TNFSF8: variants seen among roughly 807,000 people sequenced by gnomAD.
The protein encoded by TNFSF8 is TNF superfamily member 8, also known as tumor necrosis factor ligand superfamily member 8.
Under a neutral mutation model 22.0 loss-of-function variants are expected in TNFSF8, and 4 were observed. The observed-to-expected ratio is 0.18, with a 90% CI of 0.09 to 0.42. TNFSF8 has a LOEUF of 0.42. Ranked by LOEUF, TNFSF8 falls within the 10% of genes least tolerant of loss-of-function variation. TNFSF8 has a pLI of 1.00. For synonymous variants in TNFSF8, 106 were observed against 112.5 expected (o/e 0.94, Z 0.37); for missense variants, 233 against 281.8 (o/e 0.83, Z 1.24).
At chr9:114,897,960 G>A (rs138166767), downstream of TNFSF8, among the ~76,000 whole-genome samples, 41 of 152,026 alleles carry the variant, frequency 2.7e-4, no homozygotes, top group East Asian at 6.6e-3. Context: ...CCTCAACATC[G>A]CAGACTCTCA....
chr9:114,913,681 G>A (rs968004338), intron 2 of TNFSF8, among the ~76,000 whole-genome samples: 4 of 152,302 alleles, frequency 2.6e-5, no homozygotes, highest in Admixed American at 6.5e-5. Context: ...AGGTGGATAC[G>A]CTGGATTTGA....
At chr9:114,893,946 G>C (rs1356455691) in exon 5 of TNFSF8, 11 of 697,126 alleles carry the variant, frequency 1.6e-5, no homozygotes, top group African/African-American at 3.5e-5. Flanking sequence ...TGTTTGTGGG[G>C]GGTGAACCGT....
chr9:114,926,408 C>T (rs1316963557), intron 1 of TNFSF8, among the ~76,000 whole-genome samples: 2 of 152,010 alleles, frequency 1.3e-5, no homozygotes, highest in Non-Finnish European at 2.9e-5. Flanking sequence ...CCAGCCTGGG[C>T]GACAGAGCGA....
intron 2 of TNFSF8, among the ~76,000 whole-genome samples, chr9:114,915,747 G>A (rs1052194993): frequency 2.1e-5 from 3 of 141,390 alleles, no homozygotes; most frequent in African/African-American, 8.5e-5. Flanking sequence ...GTATGGGAAG[G>A]TCTTTAACAA....
chr9:114,928,758 T>C (rs1260218672), intron 1 of TNFSF8, among the ~76,000 whole-genome samples: 2 of 152,208 alleles, frequency 1.3e-5, no homozygotes, highest in African/African-American at 2.4e-5. Flanking sequence ...GTTTTAAGAA[T>C]TCCACTATCT....
At position 114,904,399 on chromosome 9, in the gene TNFSF8, T is replaced by C; in HGVS notation, c.311-74A>G. On this transcript the variant is annotated intron_variant, in intron 3 of 3. Transcript: ENST00000223795. ...CGCATTGCAAAATTCTAAGTCTTTG[T>C]TCAAAGTTTCCCATTCAAGACCCAT... 2.0e-6 allele frequency: 3 copies of C among 1,516,708 alleles called. No homozygotes were observed. The South Asian group carries it at 4.1e-5, about 21-fold the overall frequency. 94.0% of individuals were successfully genotyped at this position (1,516,708 alleles called of 1,614,324 possible). A position where few individuals can be genotyped will look rare whatever the true frequency, so the allele number is the denominator to read the frequency against.
chr9:114,909,496 A>G (rs1320247579), intron 2 of TNFSF8, among the ~76,000 whole-genome samples: 2 of 152,238 alleles, frequency 1.3e-5, no homozygotes, highest in Admixed American at 1.3e-4. Flanking sequence ...AGGTTTGTGC[A>G]AAAGTAATTG....
At chr9:114,895,616 C>T (rs1483128604) in intron 4 of TNFSF8, among the ~76,000 whole-genome samples, 1 of 152,198 alleles carries the variant, frequency 6.6e-6, no homozygotes. Context: ...TGATAAAATA[C>T]CCCAAGAGTT....
chr9:114,905,728 T>C (rs1302638046), intron 3 of TNFSF8, 100 bp downstream of exon 3: 4 of 906,000 alleles, frequency 4.4e-6, no homozygotes, highest in Non-Finnish European at 7.3e-6. Context: ...CAGGTCACAT[T>C]TGGCCATGGG....
At chr9:114,897,088 A>C (rs1827663048), downstream of TNFSF8, among the ~76,000 whole-genome samples, 1 of 152,026 alleles carries the variant, frequency 6.6e-6, no homozygotes, top group South Asian at 2.1e-4. Context: ...TTTAGTAGAG[A>C]CGGGGTTTCT....
Position 114,901,868 on chromosome 9 carries a change from C to A in TNFSF8, c.*2063G>T. ...CAGATGACTTAAAATTTTCCCTTAG[C>A]CATTTTTGTTCTCTCAAGTCCCTTT... On this transcript the variant is annotated 3_prime_UTR_variant, in exon 4 of 4. Coordinates refer to ENST00000223795, the MANE Select transcript of TNFSF8 (RefSeq NM_001244.4). 1 of 950,730 alleles carries A rather than the reference C, an allele frequency of 1.1e-6. No individual in the cohort carries two copies. Among genetic ancestry groups the A allele is most frequent in the Non-Finnish European group, 1.3e-6 (1 of 798,462 alleles). 58.9% of individuals were successfully genotyped at this position (950,730 alleles called of 1,614,324 possible).
downstream of TNFSF8, among the ~76,000 whole-genome samples, chr9:114,900,627 T>C (rs1479102792): frequency 6.6e-6 from 1 of 152,168 alleles, no homozygotes; most frequent in African/African-American, 2.4e-5. Context: ...GTGATTTGAA[T>C]GTGAGACACA....
chr9:114,894,196 A>T (rs1310832017), intron 4 of TNFSF8: 1 of 1,505,538 alleles, frequency 6.6e-7, no homozygotes, highest in Admixed American at 2.0e-5. Flanking sequence ...CTTTGTAGAT[A>T]TCGGCAGGAG....
At chr9:114,904,356 T>C in intron 3 of TNFSF8, 31 bp from the exon 4 acceptor site, 1 of 1,558,644 alleles carries the variant, frequency 6.4e-7, no homozygotes, top group Non-Finnish European at 8.7e-7. Context: ...AACAGAATTA[T>C]TGAGAAGATT....
chr9:114,902,645 G>GT lies in TNFSF8; in HGVS notation c.*1285dup, dbSNP rs1827731677. ...TCTGGCTCTGCTGAGATGAGATGCA[G>GT]TCAGGTGTTACTAGTGTCTTCAATT... On this transcript the variant is annotated 3_prime_UTR_variant, in exon 4 of 4. Transcript: ENST00000223795. 2.0e-6 allele frequency: 2 copies of GT among 985,264 alleles called. No homozygotes were observed. Among genetic ancestry groups the GT allele is most frequent in the Admixed American group, 1.2e-4 (2 of 16,250 alleles). The allele number at this position is 985,264 out of a possible 1,614,324, so 61.0% of individuals were successfully genotyped here. A position where few individuals can be genotyped will look rare whatever the true frequency, so the allele number is the denominator to read the frequency against.
chr9:114,923,478 T>TTCTTTTTC (rs376484064), intron 1 of TNFSF8, among the ~76,000 whole-genome samples: 3 of 105,682 alleles, frequency 2.8e-5, no homozygotes, highest in Non-Finnish European at 5.6e-5. Context: ...TTTTCTTTCT[T>TTCTTTTTC]TTTCTTTCTT....
chr9:114,901,368 C>T lies in TNFSF8; in HGVS notation c.*2563G>A, dbSNP rs763258466. ...TTACATTATTCATTTAAATGATGTA[C>T]CCCTTGTGTCTTTAGGTGTTGGCTT... On this transcript the variant is annotated 3_prime_UTR_variant, in exon 4 of 4. Coordinates refer to ENST00000223795, the MANE Select transcript of TNFSF8 (RefSeq NM_001244.4). 3 of 985,252 alleles carry T rather than the reference C, an allele frequency of 3.0e-6. No individual in the cohort carries two copies. The highest frequency in any genetic ancestry group is 3.6e-6 in the Non-Finnish European group (3 of 829,872). The allele number at this position is 985,252 out of a possible 1,614,324, so 61.0% of individuals were successfully genotyped here.
At chr9:114,900,747 C>T (rs1353283267), downstream of TNFSF8, among the ~76,000 whole-genome samples, 1 of 152,066 alleles carries the variant, frequency 6.6e-6, no homozygotes, top group African/African-American at 2.4e-5. Flanking sequence ...TTTGAGAGGC[C>T]ATGGTGGGCA....
Position 114,905,902 on chromosome 9 carries a change from A to T in TNFSF8, c.239-3T>A. On this transcript the variant is annotated splice_region_variant and splice_polypyrimidine_tract_variant and intron_variant, in intron 2 of 3. Coordinates refer to ENST00000223795, the MANE Select transcript of TNFSF8 (RefSeq NM_001244.4). ...TAAGAGGTCTTCTGAGCAATTTCCT[A>T]AAAATAAGGAGACGATGCATTAAAA... The T allele has an allele frequency of 3.1e-6, 5 of 1,605,666 alleles. No individual in the cohort carries two copies. Among genetic ancestry groups the T allele is most frequent in the Non-Finnish European group, 4.3e-6 (5 of 1,172,660 alleles).
Sources: gnomAD v4.1 joint callset for allele counts (sites outside exome capture counted in the v4.1 genomes callset) on GRCh38, gnomAD v4.1.1 for gene constraint, MANE v1.5 for transcripts, NCBI Gene and HGNC (gene_info 2026-07-23, HGNC 2026-07-21) for gene names.